The following ADPRHL1 variants were observed in gnomAD, a reference collection of about 807,000 sequenced individuals.
The protein encoded by ADPRHL1 is inactive ADP-ribosyltransferase ARH2.
In ADPRHL1, 43 loss-of-function variants were observed where a neutral mutation model predicts 44.1. The observed-to-expected ratio is 0.98, with a 90% confidence interval of 0.76 to 1.26. The LOEUF (loss-of-function observed/expected upper bound fraction) is 1.26, where lower values mean the gene tolerates loss of function less well. Among genes scored for constraint, ADPRHL1 ranks in the 50% most tolerant of loss-of-function variants. The pLI, the probability that ADPRHL1 is intolerant of heterozygous loss-of-function variation, is 0.00. For synonymous variants in ADPRHL1, 878 were observed against 1,017.4 expected (o/e 0.86, Z 2.61); for missense variants, 2,022 against 2,496.9 (o/e 0.81, Z 4.05).
chr13:113,447,611 G>GGTGTT (rs2044151834), intron 1 of ADPRHL1, among the ~76,000 whole-genome samples: 1 of 152,182 alleles, frequency 6.6e-6, no homozygotes, highest in East Asian at 1.9e-4. Flanking sequence ...CTGCACACAT[G>GGTGTT]GTGTTGTGTG....
rs148958986 is a variant in ADPRHL1, at chr13:113,432,591, G to T, written c.505+1151C>A. On this transcript the variant is annotated intron_variant, in intron 3 of 7. Transcript: ENST00000612156. ...TTAACGAGTTAGCAAAGTTGCCTGT[G>T]AGTCCACTGCTTAGGCCATCTGTCC... Among the ~76,000 whole-genome samples, 5 of 152,228 alleles carry T rather than the reference G, an allele frequency of 3.3e-5. No individual in the cohort carries two copies. In the South Asian group the frequency reaches 6.2e-4, roughly 19 times the overall value.
intron 6 of ADPRHL1, 88 bp downstream of exon 6, chr13:113,424,129 T>G (rs189816799): frequency 5.3e-6 from 8 of 1,518,552 alleles, no homozygotes; most frequent in Non-Finnish European, 7.1e-6. Context: ...GGCCCCTGAA[T>G]GCCTGCAGTC....
chr13:113,424,713 CACACATTTACCT>C lies in ADPRHL1; in HGVS notation c.774+327_774+338del, dbSNP rs1334166700. Among the ~76,000 whole-genome samples the C allele has an allele frequency of 5.3e-4, 74 of 138,922 alleles. 8 individuals are homozygous for C. Among genetic ancestry groups the C allele is most frequent in the Non-Finnish European group, 7.0e-4 (44 of 63,212 alleles). 91.1% of individuals were successfully genotyped at this position (138,922 alleles called of 152,430 possible). On this transcript the variant is annotated intron_variant, in intron 5 of 7. Coordinates refer to ENST00000612156, the MANE Select transcript of ADPRHL1 (RefSeq NM_001394807.1). ...CCACCCATCCATTCATCCATTTACC[CACACATTTACCT>C]ACCCATCCATTCACCCACGCTTCTA...
chr13:113,431,338 A>G (rs1056569997), intron 3 of ADPRHL1, among the ~76,000 whole-genome samples: 10 of 152,246 alleles, frequency 6.6e-5, no homozygotes, highest in Admixed American at 2.0e-4. Flanking sequence ...GACAGGCCGC[A>G]GAGACAGGCT....
rs376266488 is a variant in ADPRHL1, at chr13:113,433,822, C to T, written c.425G>A (p.Arg142Gln). 5.8e-5 allele frequency: 92 copies of T among 1,578,594 alleles called. No homozygotes were observed. Among genetic ancestry groups the T allele is most frequent in the African/African-American group, 8.1e-5 (6 of 73,938 alleles). The change falls in exon 3 of 8, where the codon CGG becomes CAG. Residue 142 changes from arginine (R) to glutamine (Q), a missense_variant. This residue lies in a region of ADPRHL1 where 437 missense variants were observed against 430.7 expected (regional missense o/e 1.01). Transcript: ENST00000612156. ...CTCCAGCCGCTCAGGCTTCCAGTAC[C>T]GCAGGCCGATGCACATGGCCTTGGT... ...AATKAMCIGLRYWKPERLETL... is the reference protein window; with the variant it reads ...AATKAMCIGLQYWKPERLETL...
chr13:113,451,776 C>T (rs2044180606), intron 1 of ADPRHL1, among the ~76,000 whole-genome samples: 1 of 152,124 alleles, frequency 6.6e-6, no homozygotes, highest in African/African-American at 2.4e-5. Flanking sequence ...CCACTGCACT[C>T]CAGCCTGGGC....
In ADPRHL1 at chr13:113,444,571, T is replaced by C. The variant is rs141618303; in HGVS notation, c.233A>G (p.Asp78Gly). 6.2e-7 allele frequency: 1 copy of C among 1,614,046 alleles called. No homozygotes were observed. The highest frequency in any genetic ancestry group is 2.2e-5 in the East Asian group (1 of 44,882). Residue 78 changes from aspartate to glycine, a missense_variant, in exon 2 of 8, where the codon GAT becomes GGT. This residue lies in a region of ADPRHL1 where 437 missense variants were observed against 430.7 expected (regional missense o/e 1.01). Coordinates refer to ENST00000612156, the MANE Select transcript of ADPRHL1 (RefSeq NM_001394807.1). Reference protein sequence around the residue: ...ALTTDYWCLDDLYREMVRCYV... With the variant: ...ALTTDYWCLDGLYREMVRCYV... ...GCATCTCACCATCTCCCGGTACAGA[T>C]CATCCAGGCACCAGTAGTCTGCGGA...
intron 2 of ADPRHL1, among the ~76,000 whole-genome samples, chr13:113,437,345 A>G (rs1248406523): frequency 6.7e-6 from 1 of 149,824 alleles, no homozygotes; most frequent in African/African-American, 2.5e-5. Flanking sequence ...TGTAGAGTGA[A>G]CATAGGTGTA....
rs1398529322 is a variant in ADPRHL1 at position 113,400,214 on chromosome 13, C to T, written c.*3164G>A. Reference sequence around the variant, plus strand: ...AGGCTGGAGTGCAGTGGCGCAATCTCGGCTCACTGCAAGCTCCACCTCCCG... The same window carrying T: ...AGGCTGGAGTGCAGTGGCGCAATCTTGGCTCACTGCAAGCTCCACCTCCCG... On this transcript the variant is annotated 3_prime_UTR_variant, in exon 8 of 8. Transcript: ENST00000612156. 8 of 145,872 alleles carry T rather than the reference C, an allele frequency of 5.5e-5. No individual in the cohort carries two copies. The highest frequency in any genetic ancestry group is 1.5e-4 in the African/African-American group (6 of 39,374). The allele number at this position is 145,872 out of a possible 1,614,324, so 9.0% of individuals were successfully genotyped here.
chr13:113,437,107 C>G lies in ADPRHL1; in HGVS notation c.380-3240G>C, dbSNP rs1489103578. On this transcript the variant is annotated intron_variant, in intron 2 of 7. Coordinates refer to ENST00000612156, the MANE Select transcript of ADPRHL1 (RefSeq NM_001394807.1). ...ACGTAGAGTGAACATAGGTGTACCC[C>G]GGGACCCAGCACCCACACGTAGAGT... Among the ~76,000 whole-genome samples, 2 of 139,262 alleles carry G rather than the reference C, an allele frequency of 1.4e-5. 1 individual carries two copies. The highest frequency in any genetic ancestry group is 3.1e-5 in the Non-Finnish European group (2 of 64,240). 91.4% of individuals were successfully genotyped at this position (139,262 alleles called of 152,430 possible).
intron 4 of ADPRHL1, among the ~76,000 whole-genome samples, 171 bp from the exon 5 acceptor site, chr13:113,425,350 C>T (rs1234511669): frequency 6.6e-6 from 1 of 152,126 alleles, no homozygotes; most frequent in African/African-American, 2.4e-5. Flanking sequence ...CTGGAGTAAA[C>T]AACTGAGAGA....
At position 113,405,478 on chromosome 13, in the gene ADPRHL1, A is replaced by G; in HGVS notation, c.3804T>C (p.His1268=). The G allele has an allele frequency of 4.1e-6, 5 of 1,231,966 alleles. No homozygotes were observed. The highest frequency in any genetic ancestry group is 5.1e-6 in the Non-Finnish European group (5 of 988,122). 76.3% of individuals were successfully genotyped at this position (1,231,966 alleles called of 1,614,324 possible). ...CCACGCTCCTTGCCTGTGGCCTAGG[A>G]TGATCAGAAGCAGGAATTCCAGACT... is the stretch of plus-strand genomic sequence containing the variant. ...STESGIPASD[H]PRPQARSVAE... is the part of the protein sequence containing the mutation. Residue 1268 remains histidine (H), a synonymous_variant, in exon 8 of 8, where the codon CAT becomes CAC. Coordinates refer to ENST00000612156, the MANE Select transcript of ADPRHL1 (RefSeq NM_001394807.1).
rs578082805 is a variant in ADPRHL1, at chr13:113,441,194, G to A, written c.379+3231C>T. On this transcript the variant is annotated intron_variant, in intron 2 of 7. Transcript: ENST00000612156. The surrounding 1 kb of genome is among the most constrained non-coding windows in gnomAD (Gnocchi z 6.0). ...TTCTTATAAGCAGCACATAGTTGGG[G>A]GCTGGGACCTGCTTCTTTATCTAAT... 5.3e-5 allele frequency among the ~76,000 whole-genome samples: 8 copies of A among 152,232 alleles called. No homozygotes were observed. The highest frequency in any genetic ancestry group is 5.2e-4 in the Admixed American group (8 of 15,284).
Position 113,424,208 on chromosome 13 carries a change from A to G in ADPRHL1, c.907+9T>C, listed in dbSNP as rs1437830585. On this transcript the variant is annotated intron_variant, in intron 6 of 7. Coordinates refer to ENST00000612156, the MANE Select transcript of ADPRHL1 (RefSeq NM_001394807.1). ...TCCAGGAAGCCACGGCCATTAAGGAACATCTCACCTCCATGAAACATGGCC... is the reference window on the plus strand; with the variant it reads ...TCCAGGAAGCCACGGCCATTAAGGAGCATCTCACCTCCATGAAACATGGCC... 2 of 1,612,464 alleles carry G rather than the reference A, an allele frequency of 1.2e-6. No homozygotes were observed. The highest frequency in any genetic ancestry group is 1.7e-6 in the Non-Finnish European group (2 of 1,179,706).
Position 113,441,027 on chromosome 13 carries a change from C to T in ADPRHL1, c.379+3398G>A, listed in dbSNP as rs2044094376. 6.6e-6 allele frequency among the ~76,000 whole-genome samples: 1 copy of T among 152,032 alleles called. No individual in the cohort carries two copies. Among genetic ancestry groups the T allele is most frequent in the East Asian group, 1.9e-4 (1 of 5,150 alleles). ...AATTAGCCAGGTGTGGTGGTGGGCGCCCGTAGTCCCAGCTACTTGGGAGGT... is the reference window on the plus strand; with the variant it reads ...AATTAGCCAGGTGTGGTGGTGGGCGTCCGTAGTCCCAGCTACTTGGGAGGT... On this transcript the variant is annotated intron_variant, in intron 2 of 7. Coordinates refer to ENST00000612156, the MANE Select transcript of ADPRHL1 (RefSeq NM_001394807.1). This position sits in a 1 kb window ranked among gnomAD's most constrained non-coding sequence, Gnocchi z 6.0.
chr13:113,446,332 G>C (rs1433354357), intron 1 of ADPRHL1, among the ~76,000 whole-genome samples: 3 of 151,832 alleles, frequency 2.0e-5, no homozygotes, highest in Non-Finnish European at 2.9e-5. Context: ...GAACCCCCCA[G>C]AGAGAGAGGG....
At chr13:113,432,641 G>C (rs1251306421) in intron 3 of ADPRHL1, among the ~76,000 whole-genome samples, 1 of 150,254 alleles carries the variant, frequency 6.7e-6, no homozygotes, top group Admixed American at 6.6e-5. Flanking sequence ...GCACGCACCT[G>C]CTTTGCTGCA....
chr13:113,428,390 CGCCAAAGGCT>C (rs1348105974), intron 4 of ADPRHL1, among the ~76,000 whole-genome samples: 1 of 152,198 alleles, frequency 6.6e-6, no homozygotes, highest in African/African-American at 2.4e-5. Flanking sequence ...CATGCAAGGA[CGCCAAAGGCT>C]GCATGAAGCT....
In ADPRHL1 at chr13:113,402,398, T is replaced by C. The variant is rs1248126143; in HGVS notation, c.*980A>G. On this transcript the variant is annotated 3_prime_UTR_variant, in exon 8 of 8. Transcript: ENST00000612156. Reference sequence around the variant, plus strand: ...CCACAGGTGGCTTTGATTTCCTTCTTGTGCCTCTAGACAGCATTCAAATAT... The same window carrying C: ...CCACAGGTGGCTTTGATTTCCTTCTCGTGCCTCTAGACAGCATTCAAATAT... 1 of 152,288 alleles carries C rather than the reference T, an allele frequency of 6.6e-6. No individual in the cohort carries two copies. Among genetic ancestry groups the C allele is most frequent in the Non-Finnish European group, 1.5e-5 (1 of 68,060 alleles). 9.4% of individuals were successfully genotyped at this position (152,288 alleles called of 1,614,324 possible). A position where few individuals can be genotyped will look rare whatever the true frequency, so the allele number is the denominator to read the frequency against.
Sources: allele counts gnomAD v4.1 joint callset (sites outside exome capture counted in the v4.1 genomes callset), GRCh38; gene constraint gnomAD v4.1.1; regional missense constraint gnomAD v4.1.1; non-coding constraint Gnocchi (gnomAD v3.1); transcripts MANE v1.5; gene names NCBI Gene and HGNC (gene_info 2026-07-23, HGNC 2026-07-21).